BRIP1: variants seen among roughly 807,000 people sequenced by gnomAD.
BRIP1 encodes the protein Fanconi anemia group J protein.
BRIP1 carries 88 observed loss-of-function variants against 119.7 expected under a neutral mutation model. The observed-to-expected ratio is 0.74, with a 90% CI of 0.62 to 0.88. BRIP1 has a LOEUF of 0.88. Among genes scored for constraint, BRIP1 ranks in the 40% least tolerant of loss-of-function variants. The pLI, the probability that BRIP1 is intolerant of heterozygous loss-of-function variation, is 0.00. For synonymous variants in BRIP1, 443 were observed against 496.5 expected, an observed-to-expected ratio of 0.89 and a Z score of 1.43; for missense variants, 1,259 against 1,455.4, an observed-to-expected ratio of 0.87 and a Z score of 2.20.
rs978409715 is a variant in BRIP1 at position 61,691,950 on chromosome 17, C to T, written c.2575+1480G>A. ...CATAATAGAGAGCTCAGAAGCAGAT[C>T]CACACATATATGGTCAGCGGATCTT... On this transcript the variant is annotated intron_variant, in intron 18 of 19. Coordinates refer to ENST00000259008, the MANE Select transcript of BRIP1 (RefSeq NM_032043.3). This position sits in a 1 kb window ranked among gnomAD's most constrained non-coding sequence, Gnocchi z 5.0. Among the ~76,000 whole-genome samples, 1 of 152,228 alleles carries T rather than the reference C, an allele frequency of 6.6e-6. No individual in the cohort carries two copies. The highest frequency in any genetic ancestry group is 2.4e-5 in the African/African-American group (1 of 41,460).
In BRIP1 at chr17:61,807,165, C is replaced by T. The variant is rs1251322371; in HGVS notation, c.918+1302G>A. Reference sequence around the variant, plus strand: ...TCACTTAGTCACTATGGAAAGCAGTCTACTTATGCATGAAATTCATGGAGT... The same window carrying T: ...TCACTTAGTCACTATGGAAAGCAGTTTACTTATGCATGAAATTCATGGAGT... On this transcript the variant is annotated intron_variant, in intron 7 of 19. Transcript: ENST00000259008. This position sits in a 1 kb window ranked among gnomAD's most constrained non-coding sequence, Gnocchi z 4.5. Among the ~76,000 whole-genome samples the T allele has an allele frequency of 6.6e-6, 1 of 152,184 alleles. No individual in the cohort carries two copies. The highest frequency in any genetic ancestry group is 2.4e-5 in the African/African-American group (1 of 41,446).
chr17:61,797,023 G>A (rs1282732677), intron 9 of BRIP1, among the ~76,000 whole-genome samples: 2 of 151,946 alleles, frequency 1.3e-5, no homozygotes, highest in Non-Finnish European at 2.9e-5. Context: ...AGGAAGAAAA[G>A]CAATTCTGTT....
At chr17:61,855,531 G>A (rs12602937) in intron 4 of BRIP1, among the ~76,000 whole-genome samples, 81,314 of 148,144 alleles carry the variant, frequency 0.55, 23,181 homozygotes, top group East Asian at 0.82. Flanking sequence ...GTGGGCCAAG[G>A]TCACACCACT....
rs2144054979 is a variant in BRIP1, at chr17:61,681,814, A to C, written c.*1482T>G. The C allele has an allele frequency of 1.5e-5, 3 of 197,726 alleles. 1 individual carries two copies. The highest frequency in any genetic ancestry group is 3.5e-3 in the Middle Eastern group (2 of 570). The allele number at this position is 197,726 out of a possible 1,614,324, so 12.2% of individuals were successfully genotyped here. A position where few individuals can be genotyped will look rare whatever the true frequency, so the allele number is the denominator to read the frequency against. On this transcript the variant is annotated 3_prime_UTR_variant, in exon 20 of 20. Coordinates refer to ENST00000259008, the MANE Select transcript of BRIP1 (RefSeq NM_032043.3). The surrounding 1 kb of genome is among the most constrained non-coding windows in gnomAD (Gnocchi z 5.1). ...TAAAAATCTAAATGTCTCAAAATGG[A>C]AGCAAAGACATACCTATATAATGAT...
intron 6 of BRIP1, among the ~76,000 whole-genome samples, chr17:61,839,006 A>C (rs1389235069): frequency 6.6e-6 from 1 of 152,146 alleles, no homozygotes; most frequent in East Asian, 1.9e-4. Context: ...TATGATTTAT[A>C]ATAAGTCACT....
At position 61,831,914 on chromosome 17, in the gene BRIP1, TACAG is replaced by T. The variant is rs747936604; in HGVS notation, c.627+15183_627+15186del. Reference sequence around the variant, plus strand: ...GTATAAACACTCATAATTTTCAGTGTACAGACAGACAGATACAGAAAAAATATAG... The same window carrying T: ...GTATAAACACTCATAATTTTCAGTGTACAGACAGATACAGAAAAAATATAG... On this transcript the variant is annotated intron_variant, in intron 6 of 19. Transcript: ENST00000259008. This position sits in a 1 kb window ranked among gnomAD's most constrained non-coding sequence, Gnocchi z 4.1. Among the ~76,000 whole-genome samples, 8 of 152,160 alleles carry T rather than the reference TACAG, an allele frequency of 5.3e-5. No individual in the cohort carries two copies. Among genetic ancestry groups the T allele is most frequent in the Non-Finnish European group, 1.2e-4 (8 of 68,006 alleles).
rs2061509634 is a variant in BRIP1, at chr17:61,695,658, T to A, written c.2493-2146A>T. ...TTTATTTAGAATTTTCTTTCAATAA[T>A]GTCTTGCAGTTTTCAGTATACAGAT... On this transcript the variant is annotated intron_variant, in intron 17 of 19. Coordinates refer to ENST00000259008, the MANE Select transcript of BRIP1 (RefSeq NM_032043.3). The surrounding 1 kb of genome is among the most constrained non-coding windows in gnomAD (Gnocchi z 4.3). Among the ~76,000 whole-genome samples, 1 of 152,152 alleles carries A rather than the reference T, an allele frequency of 6.6e-6. No individual in the cohort carries two copies. The highest frequency in any genetic ancestry group is 6.5e-5 in the Admixed American group (1 of 15,274).
intron 6 of BRIP1, among the ~76,000 whole-genome samples, chr17:61,836,978 T>G (rs566379787): frequency 1.3e-5 from 2 of 152,234 alleles, no homozygotes; most frequent in African/African-American, 4.8e-5. Flanking sequence ...GTTTGTGACA[T>G]GAACAAGTTA....
At chr17:61,781,952 C>G (rs1158269195) in intron 11 of BRIP1, among the ~76,000 whole-genome samples, 3 of 149,126 alleles carry the variant, frequency 2.0e-5, no homozygotes, top group Non-Finnish European at 3.0e-5. Flanking sequence ...ATGTGATATT[C>G]TCTACCATGT....
Position 61,736,162 on chromosome 17 carries a change from CAA to C in BRIP1, c.2379+6849_2379+6850del, listed in dbSNP as rs779287175. On this transcript the variant is annotated intron_variant, in intron 16 of 19. Coordinates refer to ENST00000259008, the MANE Select transcript of BRIP1 (RefSeq NM_032043.3). The surrounding 1 kb of genome is among the most constrained non-coding windows in gnomAD (Gnocchi z 4.4). Reference sequence around the variant, plus strand: ...ACAACATAGCAAGACCTCGCCTCTCCAAAAAAAAAAAAAAGTTTAGCCAGGTG... The same window carrying C: ...ACAACATAGCAAGACCTCGCCTCTCCAAAAAAAAAAAAGTTTAGCCAGGTG... Among the ~76,000 whole-genome samples the C allele has an allele frequency of 1.2e-3, 155 of 129,222 alleles. No homozygotes were observed. Among genetic ancestry groups the C allele is most frequent in the Non-Finnish European group, 1.8e-3 (107 of 59,422 alleles). The allele number at this position is 129,222 out of a possible 152,430, so 84.8% of individuals were successfully genotyped here.
Position 61,701,726 on chromosome 17 carries a change from C to A in BRIP1, c.2493-8214G>T, listed in dbSNP as rs751854760. ...TTTACATTTTTTGGCTAGCCTCTCA[C>A]TTGCCCCAAATGTCATTCATTGTCT... On this transcript the variant is annotated intron_variant, in intron 17 of 19. Transcript: ENST00000259008. This position sits in a 1 kb window ranked among gnomAD's most constrained non-coding sequence, Gnocchi z 5.1. Among the ~76,000 whole-genome samples, 2 of 152,246 alleles carry A rather than the reference C, an allele frequency of 1.3e-5. No homozygotes were observed. Among genetic ancestry groups the A allele is most frequent in the African/African-American group, 2.4e-5 (1 of 41,468 alleles).
chr17:61,732,635 C>A (rs2076864464), intron 16 of BRIP1, among the ~76,000 whole-genome samples: 1 of 151,830 alleles, frequency 6.6e-6, no homozygotes. Flanking sequence ...AAATTAAGCT[C>A]TTAAAAAAAG....
At chr17:61,817,170 GATT>G (rs2078248891) in intron 6 of BRIP1, among the ~76,000 whole-genome samples, 1 of 152,006 alleles carries the variant, frequency 6.6e-6, no homozygotes, top group Admixed American at 6.6e-5. Flanking sequence ...AAAACTACAT[GATT>G]ATTAAATCCA....
At chr17:61,791,067 T>A (rs1304108946) in intron 10 of BRIP1, among the ~76,000 whole-genome samples, 1 of 152,204 alleles carries the variant, frequency 6.6e-6, no homozygotes, top group African/African-American at 2.4e-5. Context: ...TTTAAGTATA[T>A]CCTGATTAAA....
rs999037693 is a variant in BRIP1 at position 61,710,394 on chromosome 17, A to G, written c.2492+5557T>C. Among the ~76,000 whole-genome samples, 1 of 152,192 alleles carries G rather than the reference A, an allele frequency of 6.6e-6. No individual in the cohort carries two copies. The highest frequency in any genetic ancestry group is 6.5e-5 in the Admixed American group (1 of 15,274). On this transcript the variant is annotated intron_variant, in intron 17 of 19. Coordinates refer to ENST00000259008, the MANE Select transcript of BRIP1 (RefSeq NM_032043.3). The surrounding 1 kb of genome is among the most constrained non-coding windows in gnomAD (Gnocchi z 5.4). ...GTAACACATGTTCAAGGAAGAAAACAGATAGGCTATTACAATACAATGAGA... is the reference window on the plus strand; with the variant it reads ...GTAACACATGTTCAAGGAAGAAAACGGATAGGCTATTACAATACAATGAGA...
At chr17:61,838,546 A>AAAT (rs2078609808) in intron 6 of BRIP1, among the ~76,000 whole-genome samples, 1 of 140,872 alleles carries the variant, frequency 7.1e-6, no homozygotes, top group Non-Finnish European at 1.5e-5. Context: ...TCCCTCTCAA[A>AAAT]AAATAAATAA....
intron 6 of BRIP1, among the ~76,000 whole-genome samples, chr17:61,820,448 G>GT (rs1480297664): frequency 6.6e-6 from 1 of 152,140 alleles, no homozygotes; most frequent in African/African-American, 2.4e-5. Flanking sequence ...AGAAAAACTG[G>GT]TTGACTGGCC....
At position 61,760,644 on chromosome 17, in the gene BRIP1, C is replaced by A. The variant is rs918178421; in HGVS notation, c.2097+15757G>T. Among the ~76,000 whole-genome samples the A allele has an allele frequency of 1.3e-5, 2 of 151,862 alleles. No homozygotes were observed. The highest frequency in any genetic ancestry group is 2.9e-5 in the Non-Finnish European group (2 of 67,842). ...ATACAAAGGATCAAAGTGACTATTA[C>A]AATTATATGCCAACAAAATAAACTG... On this transcript the variant is annotated intron_variant, in intron 14 of 19. Transcript: ENST00000259008. The surrounding 1 kb of genome is among the most constrained non-coding windows in gnomAD (Gnocchi z 4.6).
In BRIP1 at chr17:61,795,417, C is replaced by G. The variant is rs2077884810; in HGVS notation, c.1341-1688G>C. Among the ~76,000 whole-genome samples, 1 of 152,022 alleles carries G rather than the reference C, an allele frequency of 6.6e-6. No homozygotes were observed. The highest frequency in any genetic ancestry group is 2.1e-4 in the South Asian group (1 of 4,828). ...ATCCCCATCTACTACCCTTGCCAGCCTCTGGTAAACCATCCTTCTACTCTC... is the reference window on the plus strand; with the variant it reads ...ATCCCCATCTACTACCCTTGCCAGCGTCTGGTAAACCATCCTTCTACTCTC... On this transcript the variant is annotated intron_variant, in intron 9 of 19. Coordinates refer to ENST00000259008, the MANE Select transcript of BRIP1 (RefSeq NM_032043.3). The surrounding 1 kb of genome is among the most constrained non-coding windows in gnomAD (Gnocchi z 5.6).
Sources: allele counts gnomAD v4.1 joint callset (sites outside exome capture counted in the v4.1 genomes callset), GRCh38; gene constraint gnomAD v4.1.1; non-coding constraint Gnocchi (gnomAD v3.1); transcripts MANE v1.5; gene names NCBI Gene and HGNC (gene_info 2026-07-23, HGNC 2026-07-21).